Variants in CEP162 observed in about 807,000 individuals in gnomAD.
CEP162 encodes centrosomal protein of 162 kDa.
A neutral mutation model predicts 169.2 loss-of-function variants in CEP162; 141 were observed. The observed-to-expected ratio is 0.83, with a 90% CI of 0.73 to 0.96. The LOEUF (loss-of-function observed/expected upper bound fraction) is 0.96. Among genes scored for constraint, CEP162 ranks in the 40% least tolerant of loss-of-function variants. CEP162 has a pLI of 0.00. For missense variants in CEP162, 1,600 were observed against 1,587.2 expected, an observed-to-expected ratio of 1.01 and a Z score of -0.14; for synonymous variants, 540 against 526.4, an observed-to-expected ratio of 1.03 and a Z score of -0.35.
intron 13 of CEP162, among the ~76,000 whole-genome samples, chr6:84,176,540 G>A (rs1325170338): frequency 6.6e-6 from 1 of 152,190 alleles, no homozygotes; most frequent in African/African-American, 2.4e-5. Flanking sequence ...GCTAGTACAG[G>A]TGGAACGTCC....
rs775175056 is a variant in CEP162, at chr6:84,174,179, A to G, written c.2035T>C (p.Phe679Leu). ...NYILQAKLSSFEETNKKQRWL... is the reference protein window; with the variant it reads ...NYILQAKLSSLEETNKKQRWL... ...CTTTGTTTTTTGTTTGTTTCTTCAA[A>G]GCTGCTTAACTTGGAGAAATTGCAG... Residue 679 changes from phenylalanine (F) to leucine (L), a missense_variant, in exon 16 of 27, where the codon TTT becomes CTT. Phe to Leu is a conservative substitution (Grantham distance 22, BLOSUM62 0). Coordinates refer to ENST00000403245, the MANE Select transcript of CEP162 (RefSeq NM_014895.4). 5.0e-6 allele frequency: 8 copies of G among 1,604,160 alleles called. No homozygotes were observed. The highest frequency in any genetic ancestry group is 5.1e-6 in the Non-Finnish European group (6 of 1,174,832).
At chr6:84,198,663 C>T (rs2099543173) in intron 9 of CEP162, among the ~76,000 whole-genome samples, 1 of 152,080 alleles carries the variant, frequency 6.6e-6, no homozygotes, top group Non-Finnish European at 1.5e-5. Context: ...ACTCTAGGTT[C>T]TCTACTATAG....
intron 6 of CEP162, among the ~76,000 whole-genome samples, chr6:84,209,311 C>T (rs2099548529): frequency 6.6e-6 from 1 of 151,622 alleles, no homozygotes; most frequent in Non-Finnish European, 1.5e-5. Flanking sequence ...GTAATATGCA[C>T]TGTATATAAG....
chr6:84,160,491 G>A (rs902779934), intron 21 of CEP162, among the ~76,000 whole-genome samples: 6 of 152,012 alleles, frequency 3.9e-5, no homozygotes, highest in African/African-American at 9.7e-5. Flanking sequence ...AGCTGTCTAC[G>A]GTCAGGAAGA....
At chr6:84,216,896 T>C (rs1190482833) in intron 3 of CEP162, among the ~76,000 whole-genome samples, 1 of 152,166 alleles carries the variant, frequency 6.6e-6, no homozygotes, top group East Asian at 1.9e-4. Flanking sequence ...ATGTATATGT[T>C]TGAATTTTTT....
rs1410369529 is a variant in CEP162, at chr6:84,152,955, A to G, written c.3219T>C (p.Ser1073=). 1 of 1,613,576 alleles carries G rather than the reference A, an allele frequency of 6.2e-7. No individual in the cohort carries two copies. Among genetic ancestry groups the G allele is most frequent in the East Asian group, 2.2e-5 (1 of 44,872 alleles). ...KNDKDDEDFQ[S]IEFQVEQAHA... is the part of the protein sequence containing the mutation. ...GAGCCTGTTCCACCTGGAATTCTATAGACTGAAAATCTTCATCATCTTTAT... is the reference window on the plus strand; with the variant it reads ...GAGCCTGTTCCACCTGGAATTCTATGGACTGAAAATCTTCATCATCTTTAT... Residue 1073 remains serine (S), a synonymous_variant, in exon 23 of 27, where the codon TCT becomes TCC. Coordinates refer to ENST00000403245, the MANE Select transcript of CEP162 (RefSeq NM_014895.4).
chr6:84,127,158 C>A (rs1021575174), intron 25 of CEP162, among the ~76,000 whole-genome samples: 5 of 152,040 alleles, frequency 3.3e-5, no homozygotes, highest in African/African-American at 9.7e-5. Context: ...CTTGGGAAAA[C>A]AATTAATTGT....
rs1314403512 is a variant in CEP162 at position 84,211,441 on chromosome 6, G to A, written c.571+1516C>T. Among the ~76,000 whole-genome samples the A allele has an allele frequency of 2.7e-5, 4 of 149,788 alleles. 1 individual carries two copies. Among genetic ancestry groups the A allele is most frequent in the African/African-American group, 1.0e-4 (4 of 40,154 alleles). On this transcript the variant is annotated intron_variant, in intron 6 of 26. Transcript: ENST00000403245. Reference sequence around the variant, plus strand: ...ACTCAGGAGGCTGAGGCAGCAGAATGGCATGAGCCCGGGAGGCGGAGCTTG... The same window carrying A: ...ACTCAGGAGGCTGAGGCAGCAGAATAGCATGAGCCCGGGAGGCGGAGCTTG...
At chr6:84,128,588 T>C (rs1351817510) in intron 25 of CEP162, among the ~76,000 whole-genome samples, 1 of 152,132 alleles carries the variant, frequency 6.6e-6, no homozygotes, top group Admixed American at 6.6e-5. Context: ...CATCAATATC[T>C]TCATCTAAAA....
Position 84,125,316 on chromosome 6 carries a change from A to G in CEP162, c.4006-40T>C, listed in dbSNP as rs374899723. ...ATTCCACATTGCTGTTATAGTTCATAGTGGTGGGTGAGGAACATTTAACAA... is the reference window on the plus strand; with the variant it reads ...ATTCCACATTGCTGTTATAGTTCATGGTGGTGGGTGAGGAACATTTAACAA... On this transcript the variant is annotated intron_variant, in intron 26 of 26. Coordinates refer to ENST00000403245, the MANE Select transcript of CEP162 (RefSeq NM_014895.4). The G allele has an allele frequency of 3.7e-4, 575 of 1,551,448 alleles. 1 individual carries two copies. The African/African-American group carries it at 7.0e-3, about 19-fold the overall frequency.
chr6:84,132,525 G>A (rs1011289284), intron 25 of CEP162, among the ~76,000 whole-genome samples: 1 of 152,066 alleles, frequency 6.6e-6, no homozygotes, highest in Non-Finnish European at 1.5e-5. Flanking sequence ...CATATTTCTT[G>A]GAGGCTTTGT....
intron 19 of CEP162, among the ~76,000 whole-genome samples, chr6:84,162,134 C>T (rs892494149): frequency 2.6e-5 from 4 of 152,102 alleles, no homozygotes; most frequent in Admixed American, 6.5e-5. Context: ...CCTTATATAG[C>T]AAAGTTGGCT....
Position 84,213,035 on chromosome 6 carries a change from T to C in CEP162, c.504-11A>G, listed in dbSNP as rs778495139. On this transcript the variant is annotated splice_polypyrimidine_tract_variant and intron_variant, in intron 5 of 26. Coordinates refer to ENST00000403245, the MANE Select transcript of CEP162 (RefSeq NM_014895.4). ...GCGTTGGCTTGATTACTGGAAAAAA[T>C]ATTTATTTAATTTAGCATTACATGT... The C allele has an allele frequency of 2.0e-6, 3 of 1,495,472 alleles. No individual in the cohort carries two copies. The highest frequency in any genetic ancestry group is 2.7e-6 in the Non-Finnish European group (3 of 1,100,082). 92.6% of individuals were successfully genotyped at this position (1,495,472 alleles called of 1,614,324 possible).
At position 84,168,638 on chromosome 6, in the gene CEP162, C is replaced by A. The variant is rs572049870; in HGVS notation, c.2385+690G>T. ...AAATGACTGGTGGGTGCTATAAGCA[C>A]ATAGTTCTTAGGGACAGGGATGATA... On this transcript the variant is annotated intron_variant, in intron 18 of 26. Transcript: ENST00000403245. Among the ~76,000 whole-genome samples the A allele has an allele frequency of 2.6e-5, 4 of 152,238 alleles. No individual in the cohort carries two copies. The East Asian group carries it at 7.7e-4, about 29-fold the overall frequency.
chr6:84,226,691 T>G (rs1156566737), intron 1 of CEP162, among the ~76,000 whole-genome samples: 1 of 152,236 alleles, frequency 6.6e-6, no homozygotes. Flanking sequence ...ATCCAATTGT[T>G]AAAGAGTGGT....
chr6:84,153,321 G>A lies in CEP162; in HGVS notation c.2995-142C>T, dbSNP rs942260944. 6 of 690,036 alleles carry A rather than the reference G, an allele frequency of 8.7e-6. No homozygotes were observed. The African/African-American group carries it at 9.0e-5, about 10-fold the overall frequency. 42.7% of individuals were successfully genotyped at this position (690,036 alleles called of 1,614,324 possible). ...TGATGTCTACAATTCTGTTTCTTGAGTGAGTCAAATGTATTGAAGTCCTAG... is the reference window on the plus strand; with the variant it reads ...TGATGTCTACAATTCTGTTTCTTGAATGAGTCAAATGTATTGAAGTCCTAG... On this transcript the variant is annotated intron_variant, in intron 22 of 26. Transcript: ENST00000403245.
intron 25 of CEP162, among the ~76,000 whole-genome samples, chr6:84,133,860 G>A (rs755128637): frequency 2.0e-5 from 3 of 152,150 alleles, no homozygotes; most frequent in Non-Finnish European, 4.4e-5. Flanking sequence ...TCCTTGGGCT[G>A]TACCCACTGT....
rs1362482527 is a variant in CEP162 at position 84,180,999 on chromosome 6, A to C, written c.1663+4188T>G. Reference sequence around the variant, plus strand: ...TCACAGAATTGGAAAAAACTACTTTAAAGTTCATATGGAACCAAAAAACCA... The same window carrying C: ...TCACAGAATTGGAAAAAACTACTTTCAAGTTCATATGGAACCAAAAAACCA... On this transcript the variant is annotated intron_variant, in intron 13 of 26. Transcript: ENST00000403245. Among the ~76,000 whole-genome samples, 3 of 152,326 alleles carry C rather than the reference A, an allele frequency of 2.0e-5. No homozygotes were observed. The East Asian group carries it at 5.8e-4, about 29-fold the overall frequency.
rs750204594 is a variant in CEP162, at chr6:84,215,460, C to G, written c.325G>C (p.Val109Leu). The G allele has an allele frequency of 6.4e-7, 1 of 1,572,774 alleles. No homozygotes were observed. The highest frequency in any genetic ancestry group is 8.6e-7 in the Non-Finnish European group (1 of 1,163,006). The part of the protein sequence containing the change: ...STDSLETNEL[V>L]VSELNHSSLG... ...CTACTATGGTTGAGCTCAGAAACTACTAGTTCTAAATGGAAAGCACAAATA... is the reference window on the plus strand; with the variant it reads ...CTACTATGGTTGAGCTCAGAAACTAGTAGTTCTAAATGGAAAGCACAAATA... The change falls in exon 5 of 27, where the codon GTA becomes CTA. Residue 109 changes from valine (V) to leucine (L), a missense_variant. Physicochemically the swap from Val to Leu is conservative, Grantham distance 32. Transcript: ENST00000403245.
Sources: allele counts gnomAD v4.1 joint callset (sites outside exome capture counted in the v4.1 genomes callset), GRCh38; gene constraint gnomAD v4.1.1; transcripts MANE v1.5; gene names NCBI Gene and HGNC (gene_info 2026-07-23, HGNC 2026-07-21).